WDR72: variants seen among roughly 807,000 people sequenced by gnomAD.
WDR72 encodes WD repeat-containing protein 72.
WDR72 carries 120 observed loss-of-function variants against 124.2 expected under a neutral mutation model. That is an observed-to-expected ratio of 0.97 (90% CI 0.83 to 1.12). The LOEUF (loss-of-function observed/expected upper bound fraction) is 1.12, where lower values mean the gene tolerates loss of function less well. Ranked by LOEUF, WDR72 falls within the 50% of genes most tolerant of loss-of-function variation. The pLI, the probability that WDR72 is intolerant of heterozygous loss-of-function variation, is 0.00. For synonymous variants in WDR72, 452 were observed against 441.7 expected, an observed-to-expected ratio of 1.02 and a Z score of -0.29; for missense variants, 1,387 against 1,278.8, an observed-to-expected ratio of 1.08 and a Z score of -1.29.
intron 18 of WDR72, among the ~76,000 whole-genome samples, chr15:53,571,271 A>G (rs909458693): frequency 6.6e-6 from 1 of 152,080 alleles, no homozygotes; most frequent in African/African-American, 2.4e-5. Context: ...ATGCATATTT[A>G]TCTGCAGAAT....
chr15:53,710,376 CAGAG>C (rs1013194568), intron 9 of WDR72, among the ~76,000 whole-genome samples: 4 of 125,042 alleles, frequency 3.2e-5, no homozygotes, highest in Non-Finnish European at 5.1e-5. Context: ...CACACAAATG[CAGAG>C]AGAGAGACAG....
chr15:53,718,649 T>G (rs2017780494), intron 3 of WDR72, among the ~76,000 whole-genome samples: 2 of 143,130 alleles, frequency 1.4e-5, no homozygotes, highest in South Asian at 4.1e-4. Flanking sequence ...GAAATTGAAC[T>G]ATTAAAAAAC....
intron 18 of WDR72, among the ~76,000 whole-genome samples, chr15:53,546,942 T>A (rs1237577132): frequency 2.0e-5 from 3 of 152,140 alleles, no homozygotes; most frequent in Non-Finnish European, 4.4e-5. Flanking sequence ...AAAGAGTAAG[T>A]AGACAATTAT....
intron 3 of WDR72, among the ~76,000 whole-genome samples, chr15:53,722,011 GATTT>G (rs948752412): frequency 2.0e-5 from 3 of 151,086 alleles, no homozygotes; most frequent in African/African-American, 2.4e-5. Flanking sequence ...TCCTCTGTGA[GATTT>G]ATTTATTTAT....
intron 14 of WDR72, among the ~76,000 whole-genome samples, chr15:53,653,955 A>C (rs549800777): frequency 3.3e-5 from 5 of 152,168 alleles, no homozygotes; most frequent in Non-Finnish European, 5.9e-5. Context: ...ATTAAAGAGG[A>C]TATTTCCTAG....
intron 14 of WDR72, among the ~76,000 whole-genome samples, chr15:53,647,680 C>T (rs1388097967): frequency 6.6e-6 from 1 of 152,048 alleles, no homozygotes; most frequent in Non-Finnish European, 1.5e-5. Context: ...GAGCAGAGAC[C>T]CCTTCTGACC....
At chr15:53,519,394 A>T (rs926278715) in intron 19 of WDR72, among the ~76,000 whole-genome samples, 8 of 152,058 alleles carry the variant, frequency 5.3e-5, no homozygotes, top group Admixed American at 4.6e-4. Context: ...CTAAAATCTC[A>T]AAAGAGGGAG....
intron 2 of WDR72, among the ~76,000 whole-genome samples, chr15:53,730,455 C>T (rs181390113): frequency 3.9e-5 from 6 of 152,222 alleles, no homozygotes; most frequent in East Asian, 1.9e-4. Context: ...CTAATGAAAG[C>T]GTAAATAAGT....
intron 13 of WDR72, among the ~76,000 whole-genome samples, chr15:53,679,504 C>A (rs537857277): frequency 6.6e-6 from 1 of 152,002 alleles, no homozygotes; most frequent in East Asian, 1.9e-4. Flanking sequence ...CATTGGCCAT[C>A]AGGAGAAGGC....
intron 18 of WDR72, among the ~76,000 whole-genome samples, chr15:53,594,862 T>C (rs1034433290): frequency 6.6e-6 from 1 of 150,814 alleles, no homozygotes; most frequent in South Asian, 2.1e-4. Flanking sequence ...ACATTTCCTG[T>C]AATTTTACTA....
intron 11 of WDR72, among the ~76,000 whole-genome samples, chr15:53,703,206 G>A (rs944773915): frequency 2.0e-5 from 3 of 152,056 alleles, no homozygotes; most frequent in African/African-American, 7.2e-5. Context: ...TAGCCACCGC[G>A]CCCAGCCCGT....
At chr15:53,591,690 AC>A (rs1236600805) in intron 18 of WDR72, among the ~76,000 whole-genome samples, 2 of 4,098 alleles carry the variant, frequency 4.9e-4, no homozygotes, top group African/African-American at 8.8e-4. Context: ...CACACAACAC[AC>A]ACACACACAC....
intron 18 of WDR72, among the ~76,000 whole-genome samples, chr15:53,588,151 A>C (rs1357904716): frequency 2.0e-5 from 3 of 151,996 alleles, no homozygotes; most frequent in Non-Finnish European, 4.4e-5. Flanking sequence ...CATTTCTTTC[A>C]TTCTGCCTTG....
At chr15:53,545,034 C>T (rs2140267871) in intron 18 of WDR72, among the ~76,000 whole-genome samples, 1 of 145,524 alleles carries the variant, frequency 6.9e-6, no homozygotes, top group Admixed American at 6.8e-5. Flanking sequence ...AATGGAAGAA[C>T]ATTCCATGCT....
intron 17 of WDR72, among the ~76,000 whole-genome samples, chr15:53,605,733 T>C (rs1228463358): frequency 6.6e-6 from 1 of 152,112 alleles, no homozygotes; most frequent in African/African-American, 2.4e-5. Flanking sequence ...TTCATGCCTG[T>C]AATCCCAGCT....
chr15:53,717,169 G>A (rs1378231288), intron 3 of WDR72, among the ~76,000 whole-genome samples: 1 of 151,860 alleles, frequency 6.6e-6, no homozygotes, highest in Non-Finnish European at 1.5e-5. Context: ...TGCTTCTCCT[G>A]ATTTGAAATC....
At chr15:53,532,594 T>C (rs1595735513) in intron 18 of WDR72, among the ~76,000 whole-genome samples, 1 of 145,390 alleles carries the variant, frequency 6.9e-6, no homozygotes, top group East Asian at 2.0e-4. Context: ...AAGAAAATAT[T>C]GAACTCTTAG....
At chr15:53,565,237 G>C (rs1359295697) in intron 18 of WDR72, among the ~76,000 whole-genome samples, 1 of 151,692 alleles carries the variant, frequency 6.6e-6, no homozygotes. Flanking sequence ...AAGTTTAAGA[G>C]GCAAAAACAA....
chr15:53,564,198 G>A (rs1434780315), intron 18 of WDR72, among the ~76,000 whole-genome samples: 1 of 151,762 alleles, frequency 6.6e-6, no homozygotes, highest in East Asian at 1.9e-4. Flanking sequence ...GGGTCTAATG[G>A]CTATCATCTT....
Sources: gnomAD v4.1 joint callset for allele counts (sites outside exome capture counted in the v4.1 genomes callset) on GRCh38, gnomAD v4.1.1 for gene constraint, MANE v1.5 for transcripts, NCBI Gene and HGNC (gene_info 2026-07-23, HGNC 2026-07-21) for gene names.